The following RORA variants were observed in gnomAD, a reference collection of about 807,000 sequenced individuals.
RORA encodes nuclear receptor ROR-alpha.
In RORA, 7 loss-of-function variants were observed where a neutral mutation model predicts 69.5. The observed-to-expected ratio is 0.10, with a 90% CI of 0.06 to 0.19. RORA has a LOEUF of 0.19. RORA is among the 10% of genes least tolerant of loss of function. The probability of loss-of-function intolerance (pLI) is 1.00; values close to 1 mark genes in which losing one functional copy is unlikely to be tolerated. For missense variants in RORA, 457 were observed against 663.0 expected (o/e 0.69, Z 3.41); for synonymous variants, 261 against 240.8 (o/e 1.08, Z -0.78).
intron 1 of RORA, among the ~76,000 whole-genome samples, chr15:61,037,757 C>A (rs1380631990): frequency 3.3e-5 from 5 of 152,084 alleles, no homozygotes; most frequent in Admixed American, 3.3e-4. Context: ...AAAAGAGATA[C>A]AAGTAATTGT....
chr15:61,044,923 G>T (rs1359021946), intron 1 of RORA, among the ~76,000 whole-genome samples: 1 of 152,238 alleles, frequency 6.6e-6, no homozygotes, highest in African/African-American at 2.4e-5. Flanking sequence ...AGGCACTTGA[G>T]AAATATTTGT....
At chr15:61,169,383 C>T (rs2079565844) in intron 1 of RORA, among the ~76,000 whole-genome samples, 1 of 152,058 alleles carries the variant, frequency 6.6e-6, no homozygotes, top group African/African-American at 2.4e-5. Context: ...TACCTCTCTG[C>T]CTGGTATCCT....
At chr15:60,574,357 C>T (rs2067966773) in intron 2 of RORA, among the ~76,000 whole-genome samples, 1 of 152,214 alleles carries the variant, frequency 6.6e-6, no homozygotes, top group Non-Finnish European at 1.5e-5. Flanking sequence ...TTACTGGTTA[C>T]AAATAGCAGG....
intron 1 of RORA, among the ~76,000 whole-genome samples, chr15:61,064,408 C>T (rs1351473935): frequency 1.3e-5 from 2 of 152,200 alleles, no homozygotes; most frequent in African/African-American, 2.4e-5. Context: ...CTCTTACTGG[C>T]TTTATATTAG....
chr15:60,795,842 C>T (rs1334043433), intron 1 of RORA, among the ~76,000 whole-genome samples: 2 of 152,132 alleles, frequency 1.3e-5, no homozygotes, highest in African/African-American at 4.8e-5. Context: ...TAAAACATTA[C>T]ATAAGACAAA....
chr15:60,895,102 T>C (rs1396996821), intron 1 of RORA, among the ~76,000 whole-genome samples: 3 of 152,280 alleles, frequency 2.0e-5, no homozygotes, highest in Middle Eastern at 3.4e-3. Flanking sequence ...GAAAGTACAG[T>C]GTAAATAGAA....
At chr15:60,727,637 C>T (rs1417179165) in intron 1 of RORA, among the ~76,000 whole-genome samples, 1 of 151,990 alleles carries the variant, frequency 6.6e-6, no homozygotes, top group Non-Finnish European at 1.5e-5. Flanking sequence ...GGGACCAGTG[C>T]ACGAAGGGAG....
chr15:61,192,201 G>C (rs1259675601), intron 1 of RORA, among the ~76,000 whole-genome samples: 1 of 152,196 alleles, frequency 6.6e-6, no homozygotes, highest in Non-Finnish European at 1.5e-5. Context: ...CTTGACCATT[G>C]GCCTTTAATT....
At chr15:61,100,266 G>A (rs1352442906) in intron 1 of RORA, among the ~76,000 whole-genome samples, 3 of 151,792 alleles carry the variant, frequency 2.0e-5, no homozygotes, top group Non-Finnish European at 4.4e-5. Flanking sequence ...TTACAGGCAC[G>A]TGTCACCAGG....
chr15:60,675,992 C>G (rs1009084313), intron 2 of RORA, among the ~76,000 whole-genome samples: 1 of 152,050 alleles, frequency 6.6e-6, no homozygotes, highest in East Asian at 1.9e-4. Flanking sequence ...TTTCCAGAAC[C>G]CTGGCTAAAA....
At chr15:61,001,876 C>T (rs1291644558) in intron 1 of RORA, among the ~76,000 whole-genome samples, 2 of 152,196 alleles carry the variant, frequency 1.3e-5, no homozygotes, top group Non-Finnish European at 2.9e-5. Flanking sequence ...AACAGAACGA[C>T]AAGAAAGGCA....
chr15:60,502,283 A>C (rs2065355068), intron 8 of RORA, among the ~76,000 whole-genome samples: 1 of 152,140 alleles, frequency 6.6e-6, no homozygotes, highest in Non-Finnish European at 1.5e-5. Flanking sequence ...CCTGGCCCCA[A>C]ATTATTTATT....
At chr15:60,695,355 G>C (rs143183219) in intron 1 of RORA, among the ~76,000 whole-genome samples, 93 of 152,212 alleles carry the variant, frequency 6.1e-4, no homozygotes, top group African/African-American at 2.2e-3. Context: ...TTTGTCACTT[G>C]AGACCCTGTT....
chr15:60,915,717 T>C (rs1450835681), intron 1 of RORA, among the ~76,000 whole-genome samples: 1 of 152,166 alleles, frequency 6.6e-6, no homozygotes, highest in African/African-American at 2.4e-5. Flanking sequence ...TGAGGAAGCT[T>C]CGGCTTGAAG....
rs1044050329 is a variant in RORA, at chr15:60,531,264, G to T, written c.282+502C>A. 5.8e-5 allele frequency: 9 copies of T among 155,166 alleles called. No homozygotes were observed. The highest frequency in any genetic ancestry group is 2.2e-4 in the African/African-American group (9 of 41,496). The allele number at this position is 155,166 out of a possible 1,614,324, so 9.6% of individuals were successfully genotyped here. Reference sequence around the variant, plus strand: ...AGCAACTGAGTGACAAAGAGATTAAGACACATTCAAAACAATATGGACAAG... The same window carrying T: ...AGCAACTGAGTGACAAAGAGATTAATACACATTCAAAACAATATGGACAAG... On this transcript the variant is annotated intron_variant, in intron 3 of 10. Coordinates refer to ENST00000335670, the MANE Select transcript of RORA (RefSeq NM_134261.3). This position sits in a 1 kb window ranked among gnomAD's most constrained non-coding sequence, Gnocchi z 4.8.
intron 1 of RORA, among the ~76,000 whole-genome samples, chr15:60,794,541 C>T (rs1290470557): frequency 6.6e-6 from 1 of 152,174 alleles, no homozygotes; most frequent in Admixed American, 6.5e-5. Flanking sequence ...TACCACTGAG[C>T]CAAAGCTTGC....
intron 2 of RORA, among the ~76,000 whole-genome samples, chr15:60,643,371 A>T (rs938395277): frequency 6.6e-6 from 1 of 152,182 alleles, no homozygotes. Flanking sequence ...TCAGAGATCC[A>T]TGGTTTTATA....
At chr15:60,931,797 A>G (rs1398850921) in intron 1 of RORA, among the ~76,000 whole-genome samples, 1 of 152,242 alleles carries the variant, frequency 6.6e-6, no homozygotes, top group African/African-American at 2.4e-5. Context: ...TATGAGGCTG[A>G]TAGCTCAGAC....
At chr15:60,558,223 A>G in intron 2 of RORA, 3 of 1,606,050 alleles carry the variant, frequency 1.9e-6, no homozygotes, top group Non-Finnish European at 1.7e-6. Context: ...GGATTCACTT[A>G]CACAGACGCC....
Sources: gnomAD v4.1 joint callset for allele counts (sites outside exome capture counted in the v4.1 genomes callset) on GRCh38, gnomAD v4.1.1 for gene constraint, Gnocchi (gnomAD v3.1) non-coding constraint, MANE v1.5 for transcripts, NCBI Gene and HGNC (gene_info 2026-07-23, HGNC 2026-07-21) for gene names.